Variants in NCKAP5 observed in about 807,000 individuals in gnomAD.
The protein encoded by NCKAP5 is NCK associated protein 5.
In NCKAP5, 92 loss-of-function variants were observed where a neutral mutation model predicts 167.0. That is an observed-to-expected ratio of 0.55 (90% CI 0.47 to 0.66). The LOEUF is 0.66. NCKAP5 is among the 30% of genes least tolerant of loss of function. The probability of loss-of-function intolerance (pLI) is 0.00; values close to 1 mark genes in which losing one functional copy is unlikely to be tolerated. For synonymous variants in NCKAP5, 891 were observed against 877.4 expected, an observed-to-expected ratio of 1.02 and a Z score of -0.27; for missense variants, 2,378 against 2,315.0, an observed-to-expected ratio of 1.03 and a Z score of -0.56.
intron 8 of NCKAP5, chr2:132,929,870 A>G (rs1368117632): frequency 6.6e-6 from 1 of 152,166 alleles, no homozygotes; most frequent in Non-Finnish European, 1.5e-5. Context: ...CCTTTGTTGT[A>G]TATTTCAGAT....
chr2:133,226,964 T>A (rs1468343994), intron 4 of NCKAP5, among the ~76,000 whole-genome samples: 1 of 152,156 alleles, frequency 6.6e-6, no homozygotes, highest in African/African-American at 2.4e-5. Context: ...CATATACACA[T>A]AGCCTGGGAA....
chr2:133,363,322 A>AT lies in NCKAP5; in HGVS notation c.70-60213dup, dbSNP rs573863388. Among the ~76,000 whole-genome samples the AT allele has an allele frequency of 6.5e-4, 97 of 148,382 alleles. No homozygotes were observed. The South Asian group carries it at 0.01, about 16-fold the overall frequency. ...AAATGTTGGAATACAGCCACACACA[A>AT]TTTTTTTTTTTACCTATTGTCTGTG... is the stretch of plus-strand genomic sequence containing the variant. On this transcript the variant is annotated intron_variant, in intron 3 of 19. Coordinates refer to ENST00000409261, the MANE Select transcript of NCKAP5 (RefSeq NM_207363.3).
At chr2:133,470,627 G>A (rs1458536816) in intron 3 of NCKAP5, among the ~76,000 whole-genome samples, 2 of 152,218 alleles carry the variant, frequency 1.3e-5, no homozygotes, top group Non-Finnish European at 2.9e-5. Flanking sequence ...CCGCCTTGCA[G>A]TTTGATCTCA....
Position 132,785,033 on chromosome 2 carries a change from A to G in NCKAP5, c.1778T>C (p.Ile593Thr), listed in dbSNP as rs780910430. 5 of 1,613,908 alleles carry G rather than the reference A, an allele frequency of 3.1e-6. No individual in the cohort carries two copies. In the South Asian group the frequency reaches 5.5e-5, roughly 18 times the overall value. The part of the protein sequence containing the change: ...DDNETFDELH[I>T]ESSDEKSPSD... ...AGGACTTTTCTCATCACTGCTCTCT[A>G]TGTGCAGCTCATCAAACGTTTCATT... The change falls in exon 14 of 20, where the codon ATA becomes ACA. Residue 593 changes from isoleucine to threonine, a missense_variant. Coordinates refer to ENST00000409261, the MANE Select transcript of NCKAP5 (RefSeq NM_207363.3).
chr2:133,115,714 A>G (rs2082049879), intron 6 of NCKAP5, among the ~76,000 whole-genome samples: 1 of 148,120 alleles, frequency 6.8e-6, no homozygotes, highest in South Asian at 2.1e-4. Context: ...ATGTGTGTGG[A>G]CATACACACA....
chr2:133,530,646 C>A (rs1047073023), intron 2 of NCKAP5, among the ~76,000 whole-genome samples: 2 of 152,160 alleles, frequency 1.3e-5, no homozygotes, highest in African/African-American at 2.4e-5. Context: ...TTATGCTCTT[C>A]TAGCTTAAGG....
At chr2:133,535,317 G>T (rs1558763047) in intron 2 of NCKAP5, among the ~76,000 whole-genome samples, 1 of 151,860 alleles carries the variant, frequency 6.6e-6, no homozygotes, top group Non-Finnish European at 1.5e-5. Context: ...AGTTCTCGGT[G>T]TCTATTATTT....
At chr2:133,082,227 A>T (rs1019597858) in intron 6 of NCKAP5, among the ~76,000 whole-genome samples, 1 of 152,070 alleles carries the variant, frequency 6.6e-6, no homozygotes, top group Non-Finnish European at 1.5e-5. Context: ...ATTTATCAAA[A>T]ATGCCACCAC....
rs1329859571 is a variant in NCKAP5, at chr2:133,368,007, G to A, written c.70-64897C>T. Among the ~76,000 whole-genome samples the A allele has an allele frequency of 2.6e-5, 4 of 152,118 alleles. No homozygotes were observed. The South Asian group carries it at 6.2e-4, about 24-fold the overall frequency. On this transcript the variant is annotated intron_variant, in intron 3 of 19. Transcript: ENST00000409261. ...CAGCCAGATGCCCCCCAGAACTGAA[G>A]TCAGACACGTGGATGCTCACTTGGG...
chr2:133,553,547 A>G (rs774493728), intron 2 of NCKAP5, among the ~76,000 whole-genome samples: 4 of 152,166 alleles, frequency 2.6e-5, no homozygotes, highest in Non-Finnish European at 5.9e-5. Context: ...AGGGCCTCTA[A>G]GGTTAGATGG....
At chr2:133,458,890 C>T (rs534388335) in intron 3 of NCKAP5, among the ~76,000 whole-genome samples, 1 of 152,294 alleles carries the variant, frequency 6.6e-6, no homozygotes, top group African/African-American at 2.4e-5. Flanking sequence ...GGAATTTCAT[C>T]TGCATGTAGA....
At chr2:133,207,257 T>C (rs976730895) in intron 5 of NCKAP5, among the ~76,000 whole-genome samples, 7 of 152,200 alleles carry the variant, frequency 4.6e-5, no homozygotes, top group African/African-American at 7.2e-5. Flanking sequence ...TCTCTCTTTG[T>C]ACTCTTTCTC....
intron 6 of NCKAP5, among the ~76,000 whole-genome samples, chr2:133,062,923 T>C (rs2080058005): frequency 6.6e-6 from 1 of 152,190 alleles, no homozygotes; most frequent in African/African-American, 2.4e-5. Context: ...TTATCAGTGT[T>C]TTTCTGCCTA....
At chr2:133,070,995 A>G (rs974262420) in intron 6 of NCKAP5, among the ~76,000 whole-genome samples, 2 of 152,234 alleles carry the variant, frequency 1.3e-5, no homozygotes, top group African/African-American at 4.8e-5. Flanking sequence ...ATCCTAGCTC[A>G]TTATAATTCT....
chr2:133,304,402 T>C (rs1241621497), intron 3 of NCKAP5, among the ~76,000 whole-genome samples: 7 of 152,244 alleles, frequency 4.6e-5, no homozygotes, highest in Non-Finnish European at 8.8e-5. Flanking sequence ...AATTCTGTTA[T>C]AGATAATTAG....
At chr2:132,677,051 T>G (rs1243624756) in intron 19 of NCKAP5, among the ~76,000 whole-genome samples, 1 of 152,168 alleles carries the variant, frequency 6.6e-6, no homozygotes, top group Admixed American at 6.5e-5. Flanking sequence ...AAAACAATAA[T>G]GATAGACCCG....
intron 3 of NCKAP5, among the ~76,000 whole-genome samples, chr2:133,341,830 TA>T (rs1683608583): frequency 1.3e-5 from 2 of 152,238 alleles, no homozygotes; most frequent in Non-Finnish European, 2.9e-5. Context: ...AGAACCACAT[TA>T]AATTGCCATT....
chr2:132,870,554 C>G (rs1445618926), intron 9 of NCKAP5, among the ~76,000 whole-genome samples: 1 of 152,014 alleles, frequency 6.6e-6, no homozygotes, highest in Non-Finnish European at 1.5e-5. Context: ...AGACTCATAC[C>G]TGGCAGTGAG....
chr2:132,725,597 T>G (rs781060047), intron 19 of NCKAP5, 30 bp downstream of exon 19: 1 of 1,595,182 alleles, frequency 6.3e-7, no homozygotes, highest in Non-Finnish European at 8.5e-7. Context: ...GAGAGGAACC[T>G]GCAGGGCCAG....
Sources: gnomAD v4.1 joint callset for allele counts (sites outside exome capture counted in the v4.1 genomes callset) on GRCh38, gnomAD v4.1.1 for gene constraint, MANE v1.5 for transcripts, NCBI Gene and HGNC (gene_info 2026-07-23, HGNC 2026-07-21) for gene names.